The following CATSPERG variants were observed in gnomAD, a reference collection of about 807,000 sequenced individuals.
CATSPERG encodes cation channel sperm-associated auxiliary subunit gamma.
A neutral mutation model predicts 145.0 loss-of-function variants in CATSPERG; 115 were observed. That is an observed-to-expected ratio of 0.79 (90% CI 0.68 to 0.93). The LOEUF (loss-of-function observed/expected upper bound fraction) is 0.93, where lower values mean the gene tolerates loss of function less well. Ranked by LOEUF, CATSPERG falls within the 40% of genes least tolerant of loss-of-function variation. The pLI is 0.00. For synonymous variants in CATSPERG, 588 were observed against 589.0 expected (o/e 1.00, Z 0.02); for missense variants, 1,296 against 1,490.1 (o/e 0.87, Z 2.14).
At chr19:38,343,903 G>A (rs1414846852) in intron 4 of CATSPERG, 90 bp from the exon 5 acceptor site, 3 of 1,488,246 alleles carry the variant, frequency 2.0e-6, no homozygotes, top group Non-Finnish European at 2.7e-6. Context: ...GCAGGTATGG[G>A]GAGTTGTGGG....
chr19:38,361,921 C>T, intron 17 of CATSPERG, 60 bp downstream of exon 17: 1 of 1,184,506 alleles, frequency 8.4e-7, no homozygotes, highest in Non-Finnish European at 1.1e-6. Context: ...CGGGAGCTGG[C>T]TTAGAGGGCG....
At position 38,370,595 on chromosome 19, in the gene CATSPERG, G is replaced by A. The variant is rs746075891; in HGVS notation, c.3283G>A (p.Val1095Met). ...IAFCLLWPLV[V>M]KGCTMIRWKI... ...CTTCTGCCTCCTGTGGCCCCTCGTG[G>A]TGAAGGGCTGCACGATGATCCGGTG... Residue 1095 changes from valine to methionine, a missense_variant, in exon 29 of 29, where the codon GTG becomes ATG. By Grantham distance (21) the Val-to-Met change is conservative. Transcript: ENST00000409235. 2 of 1,614,196 alleles carry A rather than the reference G, an allele frequency of 1.2e-6. No individual in the cohort carries two copies. The highest frequency in any genetic ancestry group is 1.7e-6 in the Non-Finnish European group (2 of 1,180,042).
intron 17 of CATSPERG, 169 bp from the exon 18 acceptor site, chr19:38,362,040 TG>T: frequency 1.1e-6 from 1 of 929,920 alleles, no homozygotes; most frequent in Non-Finnish European, 1.6e-6. Flanking sequence ...GGGAAGGCGT[TG>T]GGGGTGTGGC....
chr19:38,362,913 C>A, intron 20 of CATSPERG, 81 bp downstream of exon 20: 1 of 956,674 alleles, frequency 1.0e-6, no homozygotes, highest in Non-Finnish European at 1.5e-6. Flanking sequence ...GGGTCTTGCT[C>A]TGTCGCTCAG....
chr19:38,369,990 T>A lies in CATSPERG; in HGVS notation c.3039T>A (p.Asn1013Lys). 1 of 1,614,232 alleles carries A rather than the reference T, an allele frequency of 6.2e-7. No homozygotes were observed. Reference sequence around the variant, plus strand: ...CTTGCAGGTGGCTCTGTCTGGAGAATGCCCCATGCTATGACAATGTTCCCC... The same window carrying A: ...CTTGCAGGTGGCTCTGTCTGGAGAAAGCCCCATGCTATGACAATGTTCCCC... Reference protein sequence around the residue: ...SPGIEWLCLENAPCYDNVPQG... With the variant: ...SPGIEWLCLEKAPCYDNVPQG... Residue 1013 changes from asparagine (N) to lysine (K), a missense_variant, in exon 27 of 29, where the codon AAT (asparagine) becomes AAA (lysine). Transcript: ENST00000409235.
chr19:38,339,430 C>G (rs1398978446), intron 3 of CATSPERG, among the ~76,000 whole-genome samples: 1 of 152,108 alleles, frequency 6.6e-6, no homozygotes, highest in Non-Finnish European at 1.5e-5. Context: ...CCCTGGACCC[C>G]GGACATGTTC....
At chr19:38,342,667 T>G (rs950825651) in intron 3 of CATSPERG, among the ~76,000 whole-genome samples, 4 of 150,362 alleles carry the variant, frequency 2.7e-5, no homozygotes, top group African/African-American at 9.8e-5. Flanking sequence ...GCCCTCTCGA[T>G]GAAGGGCTGT....
intron 22 of CATSPERG, 110 bp downstream of exon 22, chr19:38,365,227 T>A: frequency 2.1e-6 from 2 of 936,712 alleles, no homozygotes; most frequent in Non-Finnish European, 3.4e-6. Context: ...TCCTTTCTTC[T>A]CATTCTTTCT....
chr19:38,363,417 T>G (rs1260673632), intron 20 of CATSPERG, among the ~76,000 whole-genome samples: 3 of 151,422 alleles, frequency 2.0e-5, no homozygotes, highest in African/African-American at 7.3e-5. Context: ...ACTCAAGAGA[T>G]CCTCATGCCT....
chr19:38,341,758 C>T lies in CATSPERG; in HGVS notation c.325-1822C>T, dbSNP rs979094953. On this transcript the variant is annotated intron_variant, in intron 3 of 28. Coordinates refer to ENST00000409235, the MANE Select transcript of CATSPERG (RefSeq NM_021185.5). ...CTCTACTAAAAATGCAAAAATTAGC[C>T]GGGCGTGGTGGCGCATGCCTGTAAT... 5.9e-5 allele frequency among the ~76,000 whole-genome samples: 9 copies of T among 151,940 alleles called. No homozygotes were observed. The East Asian group carries it at 9.6e-4, about 16-fold the overall frequency.
In CATSPERG at chr19:38,365,137, T is replaced by A; in HGVS notation, c.2613+20T>A. On this transcript the variant is annotated intron_variant, in intron 22 of 28. Transcript: ENST00000409235. ...ATGCAAGTATTGGAGCTTGGGATAC[T>A]GGGCCCTGGGAGGGGAAGGTTGGGG... 6.2e-7 allele frequency: 1 copy of A among 1,611,560 alleles called. No homozygotes were observed. Among genetic ancestry groups the A allele is most frequent in the Middle Eastern group, 1.9e-4 (1 of 5,134 alleles).
intron 3 of CATSPERG, 41 bp from the exon 4 acceptor site, chr19:38,343,539 G>T: frequency 6.7e-7 from 1 of 1,502,482 alleles, no homozygotes; most frequent in Non-Finnish European, 8.9e-7. Context: ...GCACCCAGAG[G>T]CTACCATAAG....
In CATSPERG at chr19:38,367,224, C is replaced by T. The variant is rs139211228; in HGVS notation, c.2682C>T (p.Tyr894=). 9.9e-6 allele frequency: 16 copies of T among 1,613,914 alleles called. No homozygotes were observed. Among genetic ancestry groups the T allele is most frequent in the Non-Finnish European group, 1.4e-5 (16 of 1,180,022 alleles). ...AGCGCCTGGCCTTCGACATCACCTA[C>T]ACGCTGGAATACAGCCGCCTGAAGA... ...PGKRLAFDIT[Y]TLEYSRLKNK... is the part of the protein sequence containing the mutation. The change falls in exon 23 of 29, where the codon TAC becomes TAT. Residue 894 remains tyrosine (Y), a synonymous_variant. Transcript: ENST00000409235.
rs750983517 is a variant in CATSPERG, at chr19:38,337,634, C to T, written c.312C>T (p.Ser104=). 18 of 1,551,722 alleles carry T rather than the reference C, an allele frequency of 1.2e-5. No individual in the cohort carries two copies. The highest frequency in any genetic ancestry group is 1.5e-5 in the Non-Finnish European group (17 of 1,146,986). The change falls in exon 3 of 29, where the codon TCC becomes TCT. Residue 104 remains serine (S), a synonymous_variant. Transcript: ENST00000409235. ...GFPYYLKINY[S]CEEKPSEDLV... is the part of the protein sequence containing the mutation. ...CTTACTACCTGAAGATCAACTACTC[C>T]TGCGAGGAAAAGGTGAGTGGGTGCA...
chr19:38,338,384 G>A (rs186113382), intron 3 of CATSPERG, among the ~76,000 whole-genome samples: 1 of 151,976 alleles, frequency 6.6e-6, no homozygotes, highest in African/African-American at 2.4e-5. Context: ...TCCTGACCTC[G>A]TGATCCGCCC....
chr19:38,351,667 G>A (rs920033029), intron 7 of CATSPERG, among the ~76,000 whole-genome samples: 4 of 152,024 alleles, frequency 2.6e-5, no homozygotes, highest in African/African-American at 9.7e-5. Context: ...AGCTACTCGG[G>A]AGGCTGAGGC....
At chr19:38,354,998 T>C (rs1449189517) in intron 9 of CATSPERG, 151 bp downstream of exon 9, 1 of 878,638 alleles carries the variant, frequency 1.1e-6, no homozygotes, top group Non-Finnish European at 1.7e-6. Flanking sequence ...GATGCGTTTG[T>C]AGGGGTAGGG....
chr19:38,360,769 C>A lies in CATSPERG; in HGVS notation c.1806C>A (p.Val602=). 2 of 1,613,764 alleles carry A rather than the reference C, an allele frequency of 1.2e-6. No homozygotes were observed. Among genetic ancestry groups the A allele is most frequent in the South Asian group, 2.2e-5 (2 of 90,984 alleles). ...YLMNNQKGQL[V]KRLVPVEQLL... ...TGAACAACCAGAAGGGCCAGCTGGT[C>A]AAGAGGCTCGTGCCCGTGGAGCAGC... is the stretch of plus-strand genomic sequence containing the variant. Residue 602 remains valine, a synonymous_variant, in exon 16 of 29, where the codon GTC becomes GTA. Transcript: ENST00000409235.
In CATSPERG at chr19:38,367,242, C is replaced by A; in HGVS notation, c.2700C>A (p.Arg900=). 1 of 1,614,016 alleles carries A rather than the reference C, an allele frequency of 6.2e-7. No homozygotes were observed. The highest frequency in any genetic ancestry group is 8.5e-7 in the Non-Finnish European group (1 of 1,180,016). The change falls in exon 23 of 29, where the codon CGC becomes CGA. Residue 900 remains arginine, a synonymous_variant. Coordinates refer to ENST00000409235, the MANE Select transcript of CATSPERG (RefSeq NM_021185.5). ...TCACCTACACGCTGGAATACAGCCG[C>A]CTGAAGAACAAACACTACTTTGACT... The part of the protein sequence containing the change: ...FDITYTLEYS[R]LKNKHYFDCV...
Sources: allele counts gnomAD v4.1 joint callset (sites outside exome capture counted in the v4.1 genomes callset), GRCh38; gene constraint gnomAD v4.1.1; transcripts MANE v1.5; gene names NCBI Gene and HGNC (gene_info 2026-07-23, HGNC 2026-07-21).